RASAL2: variants seen among roughly 807,000 people sequenced by gnomAD.
RASAL2 encodes the protein RAS protein activator like 2.
Under a neutral mutation model 128.9 loss-of-function variants are expected in RASAL2, and 58 were observed. The ratio of observed to expected loss-of-function variants is 0.45; its 90% CI spans 0.36 to 0.56. RASAL2 has a LOEUF of 0.56. Among genes scored for constraint, RASAL2 ranks in the 20% least tolerant of loss-of-function variants. RASAL2 has a pLI of 0.00. For missense variants in RASAL2, 1,360 were observed against 1,601.6 expected, an observed-to-expected ratio of 0.85 and a Z score of 2.57; for synonymous variants, 561 against 580.8, an observed-to-expected ratio of 0.97 and a Z score of 0.49.
chr1:178,343,452 T>C (rs1338736869), intron 3 of RASAL2, among the ~76,000 whole-genome samples: 1 of 152,180 alleles, frequency 6.6e-6, no homozygotes, highest in Non-Finnish European at 1.5e-5. Context: ...TACACAAAGC[T>C]TAGATTCTTC....
intron 1 of RASAL2, among the ~76,000 whole-genome samples, chr1:178,265,655 A>T (rs563257519): frequency 6.6e-6 from 1 of 152,348 alleles, no homozygotes; most frequent in South Asian, 2.1e-4. Context: ...CAAAGTACAT[A>T]AATTGTATAG....
At chr1:178,331,796 C>T (rs1286299153) in intron 3 of RASAL2, among the ~76,000 whole-genome samples, 1 of 151,880 alleles carries the variant, frequency 6.6e-6, no homozygotes. Flanking sequence ...ACTATGTTGG[C>T]CAGCCTGGTC....
rs1323449974 is a variant in RASAL2, at chr1:178,400,645, A to G, written c.564+10439A>G. 2.0e-5 allele frequency among the ~76,000 whole-genome samples: 3 copies of G among 152,318 alleles called. No individual in the cohort carries two copies. The East Asian group carries it at 5.8e-4, about 29-fold the overall frequency. ...AAAATTTTTGCTCTTTAAAAGTTTT[A>G]TGTTATTGAATATTTTACAGTCATA... is the stretch of plus-strand genomic sequence containing the variant. On this transcript the variant is annotated intron_variant, in intron 4 of 17. Transcript: ENST00000367649.
At chr1:178,320,306 C>A (rs1008449478) in intron 3 of RASAL2, among the ~76,000 whole-genome samples, 2 of 152,350 alleles carry the variant, frequency 1.3e-5, no homozygotes, top group African/African-American at 4.8e-5. Context: ...CCTCCTTGAG[C>A]TGTGGTGGGC....
Position 178,475,615 on chromosome 1 carries a change from AG to A in RASAL2, c.*2379del, listed in dbSNP as rs1278017642. On this transcript the variant is annotated 3_prime_UTR_variant, in exon 18 of 18. Coordinates refer to ENST00000367649, the MANE Select transcript of RASAL2 (RefSeq NM_170692.4). ...CTTAAGTGCCGATTATGGATTACAG[AG>A]GGCTGATAAAATTACTTATATTGGG... 6.6e-6 allele frequency: 1 copy of A among 152,170 alleles called. No individual in the cohort carries two copies. Among genetic ancestry groups the A allele is most frequent in the East Asian group, 1.9e-4 (1 of 5,204 alleles). 9.4% of individuals were successfully genotyped at this position (152,170 alleles called of 1,614,324 possible).
chr1:178,402,494 GCAGTATTACAAA>G (rs896624480), intron 4 of RASAL2, among the ~76,000 whole-genome samples: 1 of 151,902 alleles, frequency 6.6e-6, no homozygotes, highest in Non-Finnish European at 1.5e-5. Flanking sequence ...AAAACTGTTT[GCAGTATTACAAA>G]CAGTATAGTT....
chr1:178,360,080 A>G (rs372343885), intron 3 of RASAL2, among the ~76,000 whole-genome samples: 11 of 152,130 alleles, frequency 7.2e-5, no homozygotes, highest in Admixed American at 2.6e-4. Context: ...TGGGGAGCCA[A>G]TCGTTGTTTA....
At chr1:178,214,016 A>C (rs1218113965) in intron 1 of RASAL2, among the ~76,000 whole-genome samples, 7 of 152,118 alleles carry the variant, frequency 4.6e-5, no homozygotes, top group African/African-American at 1.2e-4. Context: ...CAAAGGATTG[A>C]TAGCAATCCT....
intron 4 of RASAL2, among the ~76,000 whole-genome samples, chr1:178,414,318 A>ATC (rs1216267019): frequency 1.3e-5 from 2 of 152,168 alleles, no homozygotes; most frequent in African/African-American, 4.8e-5. Flanking sequence ...GTACTGAGGG[A>ATC]TGAATAGGCA....
intron 1 of RASAL2, among the ~76,000 whole-genome samples, chr1:178,205,312 T>C (rs538336591): frequency 7.3e-5 from 11 of 151,536 alleles, no homozygotes; most frequent in Non-Finnish European, 1.3e-4. Context: ...GCCCAGAAAA[T>C]TGTTTATAGA....
rs186163968 is a variant in RASAL2, at chr1:178,231,245, G to A, written c.203-52319G>A. 4.6e-5 allele frequency among the ~76,000 whole-genome samples: 7 copies of A among 151,952 alleles called. No homozygotes were observed. In the East Asian group the frequency reaches 7.7e-4, roughly 17 times the overall value. On this transcript the variant is annotated intron_variant, in intron 1 of 17. Coordinates refer to ENST00000367649, the MANE Select transcript of RASAL2 (RefSeq NM_170692.4). ...TCACCTGACATTCCTGGTGGGGTGG[G>A]CCCTCTCCTGTCCTGTTCATGTCTG...
At position 178,173,323 on chromosome 1, in the gene RASAL2, G is replaced by C. The variant is rs533068963; in HGVS notation, c.202+78629G>C. Among the ~76,000 whole-genome samples the C allele has an allele frequency of 9.3e-4, 142 of 152,180 alleles. 1 individual carries two copies. The highest frequency in any genetic ancestry group is 2.7e-3 in the African/African-American group (112 of 41,564). On this transcript the variant is annotated intron_variant, in intron 1 of 17. Transcript: ENST00000367649. ...TGTCTCCAGTAAGGCAGTGTGGTCT[G>C]TTCTTGGTATTCATGTTTCCTGAGA...
Position 178,441,588 on chromosome 1 carries a change from T to G in RASAL2, c.868T>G (p.Ser290Ala), listed in dbSNP as rs1676654581. 1 of 1,612,654 alleles carries G rather than the reference T, an allele frequency of 6.2e-7. No homozygotes were observed. The highest frequency in any genetic ancestry group is 1.1e-5 in the South Asian group (1 of 91,048). The change falls in exon 7 of 18, where the codon TCT (serine) becomes GCT (alanine). Residue 290 changes from serine to alanine, a missense_variant. Ser to Ala is a moderately conservative substitution (Grantham distance 99). This residue lies in a region of RASAL2 where 617 missense variants were observed against 714.2 expected (regional missense o/e 0.86). Transcript: ENST00000367649. Reference protein sequence around the residue: ...LSGSKCFSCNSASERDKWMEN... With the variant: ...LSGSKCFSCNAASERDKWMEN... ...TGGAAGTAAATGCTTCAGCTGTAAT[T>G]CTGCTTCTGAGAGAGACAAGTGGAT...
At chr1:178,410,760 G>T (rs990569402) in intron 4 of RASAL2, among the ~76,000 whole-genome samples, 1 of 151,460 alleles carries the variant, frequency 6.6e-6, no homozygotes, top group South Asian at 2.1e-4. Context: ...GCCAAGAAAC[G>T]TCAAAAAAAT....
chr1:178,460,687 T>C (rs923738735), intron 14 of RASAL2, among the ~76,000 whole-genome samples: 1 of 152,242 alleles, frequency 6.6e-6, no homozygotes, highest in Non-Finnish European at 1.5e-5. Context: ...TTTATACTTT[T>C]GCTGGTACTG....
At chr1:178,407,755 A>C (rs561325892) in intron 4 of RASAL2, among the ~76,000 whole-genome samples, 85 of 152,316 alleles carry the variant, frequency 5.6e-4, no homozygotes, top group African/African-American at 1.9e-3. Flanking sequence ...AAAGGTGATG[A>C]CATGTTTCCC....
chr1:178,414,159 G>T (rs1370309565), intron 4 of RASAL2, among the ~76,000 whole-genome samples: 1 of 152,112 alleles, frequency 6.6e-6, no homozygotes, highest in Non-Finnish European at 1.5e-5. Context: ...AAATTGAAAA[G>T]TATTTAACGT....
intron 3 of RASAL2, among the ~76,000 whole-genome samples, chr1:178,388,094 A>G (rs970392472): frequency 6.6e-6 from 1 of 152,154 alleles, no homozygotes; most frequent in Non-Finnish European, 1.5e-5. Flanking sequence ...AAAACATACT[A>G]TATTGTAATA....
intron 3 of RASAL2, among the ~76,000 whole-genome samples, chr1:178,344,192 A>C (rs1670030611): frequency 6.6e-6 from 1 of 152,186 alleles, no homozygotes; most frequent in African/African-American, 2.4e-5. Context: ...TTTTCAAAGA[A>C]GGTAAAGAGC....
Sources: gnomAD v4.1 joint callset for allele counts (sites outside exome capture counted in the v4.1 genomes callset) on GRCh38, gnomAD v4.1.1 for gene constraint, gnomAD v4.1.1 regional missense constraint, MANE v1.5 for transcripts, NCBI Gene and HGNC (gene_info 2026-07-23, HGNC 2026-07-21) for gene names.